The following KIF5A variants were observed in gnomAD, a reference collection of about 807,000 sequenced individuals.
KIF5A encodes kinesin family member 5A.
KIF5A carries 35 observed loss-of-function variants against 141.3 expected under a neutral mutation model. That is an observed-to-expected ratio of 0.25 (90% CI 0.19 to 0.33). KIF5A has a LOEUF of 0.33. KIF5A is among the 10% of genes least tolerant of loss of function. KIF5A has a pLI of 1.00. For missense variants in KIF5A, 861 were observed against 1,314.3 expected (o/e 0.66, Z 5.33); for synonymous variants, 448 against 500.2 (o/e 0.90, Z 1.39).
At chr12:57,556,927 A>G (rs1881765853) in intron 1 of KIF5A, among the ~76,000 whole-genome samples, 1 of 152,108 alleles carries the variant, frequency 6.6e-6, no homozygotes, top group Non-Finnish European at 1.5e-5. Flanking sequence ...ACTGACTCAT[A>G]TGTTAATATC....
intron 1 of KIF5A, among the ~76,000 whole-genome samples, chr12:57,556,559 G>A (rs1243192086): frequency 6.6e-6 from 1 of 151,872 alleles, no homozygotes; most frequent in Non-Finnish European, 1.5e-5. Context: ...GGCTATAATT[G>A]GCTTCAGCAT....
intron 17 of KIF5A, 28 bp from the exon 18 acceptor site, chr12:57,576,059 G>C (rs368474681): frequency 3.5e-5 from 56 of 1,610,732 alleles, no homozygotes; most frequent in Admixed American, 1.7e-4. Context: ...TAGGTTTGAT[G>C]TCAGCTGTCT....
intron 11 of KIF5A, 35 bp downstream of exon 11, chr12:57,569,718 G>C: frequency 6.2e-7 from 1 of 1,609,880 alleles, no homozygotes; most frequent in South Asian, 1.1e-5. Flanking sequence ...AGGGGCAGTG[G>C]GAAGAGGAGG....
At chr12:57,571,715 G>T (rs1340561502) in intron 13 of KIF5A, among the ~76,000 whole-genome samples, 1 of 151,984 alleles carries the variant, frequency 6.6e-6, no homozygotes, top group Non-Finnish European at 1.5e-5. Context: ...GACTACAAGT[G>T]CACCACCACA....
At chr12:57,575,496 A>G (rs1229938387) in intron 16 of KIF5A, 144 bp from the exon 17 acceptor site, 1 of 892,540 alleles carries the variant, frequency 1.1e-6, no homozygotes, top group Non-Finnish European at 1.9e-6. Context: ...GAAGAGCCCC[A>G]TAGGAATGGC....
At chr12:57,569,876 T>A in intron 11 of KIF5A, 111 bp from the exon 12 acceptor site, 1 of 1,420,820 alleles carries the variant, frequency 7.0e-7, no homozygotes, top group Non-Finnish European at 9.5e-7. Flanking sequence ...TCCCAAAAGG[T>A]AGAGGGTCCA....
At chr12:57,573,457 G>A (rs183984218) in intron 15 of KIF5A, among the ~76,000 whole-genome samples, 3 of 152,108 alleles carry the variant, frequency 2.0e-5, no homozygotes, top group Non-Finnish European at 4.4e-5. Context: ...CCTGAGTATG[G>A]GAGGTTGAGG....
intron 12 of KIF5A, 130 bp from the exon 13 acceptor site, chr12:57,571,191 T>C (rs1407494815): frequency 7.1e-6 from 5 of 707,786 alleles, no homozygotes; most frequent in African/African-American, 7.0e-5. Flanking sequence ...CTGTAGGATA[T>C]GGGGTTTCTA....
chr12:57,583,298 T>G lies in KIF5A; in HGVS notation c.*36+83T>G, dbSNP rs964107. 2,888 of 768,062 alleles carry G rather than the reference T, an allele frequency of 3.8e-3. 95 individuals are homozygous for G. The East Asian group carries it at 0.057, about 15-fold the overall frequency. 47.6% of individuals were successfully genotyped at this position (768,062 alleles called of 1,614,324 possible). A position where few individuals can be genotyped will look rare whatever the true frequency, so the allele number is the denominator to read the frequency against. On this transcript the variant is annotated intron_variant, in intron 28 of 28. Coordinates refer to ENST00000455537, the MANE Select transcript of KIF5A (RefSeq NM_004984.4). ...CCTCTTTGGTTTTCCTGCTGCTGCT[T>G]CTTTTTTTTTTTATCACCTCAAAAC...
In KIF5A at chr12:57,571,339, C is replaced by G. The variant is rs2140164723; in HGVS notation, c.1312C>G (p.Gln438Glu). 4 of 1,612,644 alleles carry G rather than the reference C, an allele frequency of 2.5e-6. No individual in the cohort carries two copies. The highest frequency in any genetic ancestry group is 3.4e-6 in the Non-Finnish European group (4 of 1,178,712). Residue 438 changes from glutamine (Q) to glutamate (E), a missense_variant, in exon 13 of 29, where the codon CAA becomes GAA. Physicochemically the swap from Gln to Glu is conservative, Grantham distance 29. Coordinates refer to ENST00000455537, the MANE Select transcript of KIF5A (RefSeq NM_004984.4). ...CCAACAGGATGATGAAATCAACCAACAAAGCCAACTCATAGAGAAGCTCAA... is the reference window on the plus strand; with the variant it reads ...CCAACAGGATGATGAAATCAACCAAGAAAGCCAACTCATAGAGAAGCTCAA... ...LDDKDDEINQ[Q>E]SQLIEKLKQQ...
Position 57,565,280 on chromosome 12 carries a change from G to A in KIF5A, c.501+307G>A, listed in dbSNP as rs140470142. Among the ~76,000 whole-genome samples, 829 of 151,934 alleles carry A rather than the reference G, an allele frequency of 5.5e-3. 8 individuals are homozygous for A. Among genetic ancestry groups the A allele is most frequent in the African/African-American group, 0.018 (728 of 41,460 alleles). ...ACTAAAAATACAAAAAATTAACTGG[G>A]CGTGGTGGCACATGCTTGTAATCCC... is the stretch of plus-strand genomic sequence containing the variant. On this transcript the variant is annotated intron_variant, in intron 6 of 28. Coordinates refer to ENST00000455537, the MANE Select transcript of KIF5A (RefSeq NM_004984.4).
intron 1 of KIF5A, among the ~76,000 whole-genome samples, chr12:57,553,129 G>C (rs773813338): frequency 6.6e-6 from 1 of 151,840 alleles, no homozygotes; most frequent in Non-Finnish European, 1.5e-5. Flanking sequence ...TGACTTTTTC[G>C]CCAGACCCAT....
chr12:57,570,110 G>A lies in KIF5A; in HGVS notation c.1241G>A (p.Arg414Gln), dbSNP rs1170006745. The A allele has an allele frequency of 5.0e-6, 8 of 1,614,028 alleles. No individual in the cohort carries two copies. The highest frequency in any genetic ancestry group is 4.0e-5 in the African/African-American group (3 of 74,938). The change falls in exon 12 of 29, where the codon CGG becomes CAG. Residue 414 changes from arginine (R) to glutamine (Q), a missense_variant. Arg to Gln is a conservative substitution (Grantham distance 43). This residue lies in a region of KIF5A where 167 missense variants were observed against 192.0 expected (regional missense o/e 0.87). Coordinates refer to ENST00000455537, the MANE Select transcript of KIF5A (RefSeq NM_004984.4). ...SIVVRIAPEE[R>Q]QKYEEEIRRL... Reference sequence around the variant, plus strand: ...GTGGTGCGCATCGCGCCCGAGGAGCGGCAGAAATACGAGGAGGAGATCCGC... The same window carrying A: ...GTGGTGCGCATCGCGCCCGAGGAGCAGCAGAAATACGAGGAGGAGATCCGC...
At chr12:57,581,373 G>A (rs759996009) in intron 24 of KIF5A, 42 bp from the exon 25 acceptor site, 9 of 1,611,838 alleles carry the variant, frequency 5.6e-6, no homozygotes, top group Admixed American at 3.3e-5. Flanking sequence ...GGCAAATGCA[G>A]GGTCATAGCC....
At chr12:57,569,460 CT>C in intron 10 of KIF5A, 56 bp downstream of exon 10, 1 of 1,613,570 alleles carries the variant, frequency 6.2e-7, no homozygotes, top group Non-Finnish European at 8.5e-7. Context: ...ATCCCAGCCT[CT>C]GCGGCTCTCT....
In KIF5A at chr12:57,569,879, A is replaced by AG. The variant is rs1882191704; in HGVS notation, c.1118-105dup. On this transcript the variant is annotated intron_variant, in intron 11 of 28. Transcript: ENST00000455537. ...TACCTCCCATACTCCCAAAAGGTAGAGGGTCCACCTGGCAAGAGAGTTCAA... is the reference window on the plus strand; with the variant it reads ...TACCTCCCATACTCCCAAAAGGTAGAGGGGTCCACCTGGCAAGAGAGTTCAA... 4.2e-6 allele frequency: 6 copies of AG among 1,426,108 alleles called. No homozygotes were observed. In the South Asian group the frequency reaches 6.9e-5, roughly 16 times the overall value. The allele number at this position is 1,426,108 out of a possible 1,614,324, so 88.3% of individuals were successfully genotyped here.
intron 23 of KIF5A, among the ~76,000 whole-genome samples, chr12:57,580,284 G>T (rs1478639364): frequency 1.3e-5 from 2 of 152,174 alleles, no homozygotes; most frequent in Non-Finnish European, 2.9e-5. Flanking sequence ...TTGCTCCCAT[G>T]CTCTAGCTTA....
chr12:57,567,013 C>G (rs1166336526), intron 6 of KIF5A, 113 bp from the exon 7 acceptor site: 3 of 442,204 alleles, frequency 6.8e-6, no homozygotes, highest in Non-Finnish European at 3.9e-6. Flanking sequence ...TGCACTCCAG[C>G]CTGGGCAGAG....
At position 57,575,237 on chromosome 12, in the gene KIF5A, CG is replaced by C; in HGVS notation, c.1873del (p.Glu625SerfsTer28). Reference sequence around the variant, plus strand: ...TCACCGCAAGATGGAAGTGACCGGGCGGGAGCTCTCATCCTGCCAGCTCCTC... The same window carrying C: ...TCACCGCAAGATGGAAGTGACCGGGCGGAGCTCTCATCCTGCCAGCTCCTC... The part of the protein sequence containing the change: ...ECHRKMEVTG[R>X]ELSSCQLLIS... On this transcript the variant is annotated frameshift_variant, in exon 16 of 29. Transcript: ENST00000455537. LOFTEE classifies it high-confidence loss of function. 6.2e-7 allele frequency: 1 copy of C among 1,613,656 alleles called. No homozygotes were observed. Among genetic ancestry groups the C allele is most frequent in the Non-Finnish European group, 8.5e-7 (1 of 1,179,852 alleles).
Sources: allele counts gnomAD v4.1 joint callset (sites outside exome capture counted in the v4.1 genomes callset), GRCh38; gene constraint gnomAD v4.1.1; regional missense constraint gnomAD v4.1.1; transcripts MANE v1.5; gene names NCBI Gene and HGNC (gene_info 2026-07-23, HGNC 2026-07-21).